Variants in DDC observed in about 807,000 individuals in gnomAD.
DDC encodes the protein aromatic-L-amino-acid decarboxylase.
DDC carries 43 observed loss-of-function variants against 60.0 expected under a neutral mutation model. The ratio of observed to expected loss-of-function variants is 0.72; its 90% CI spans 0.56 to 0.92. The LOEUF is 0.92. Among genes scored for constraint, DDC ranks in the 40% least tolerant of loss-of-function variants. DDC has a pLI of 0.00. For missense variants in DDC, 573 were observed against 620.2 expected, an observed-to-expected ratio of 0.92 and a Z score of 0.81; for synonymous variants, 232 against 234.6, an observed-to-expected ratio of 0.99 and a Z score of 0.10.
At chr7:50,558,980 G>A (rs932550080) in intron 1 of DDC, among the ~76,000 whole-genome samples, 1 of 152,192 alleles carries the variant, frequency 6.6e-6, no homozygotes, top group African/African-American at 2.4e-5. Flanking sequence ...GAAACAGGCA[G>A]AGGCTCAACA....
At chr7:50,485,455 T>C (rs1358911705) in intron 9 of DDC, among the ~76,000 whole-genome samples, 1 of 152,184 alleles carries the variant, frequency 6.6e-6, no homozygotes, top group Non-Finnish European at 1.5e-5. Flanking sequence ...TTAGTAAAAT[T>C]TCATTAAACA....
chr7:50,540,797 T>C (rs1401793828), intron 2 of DDC, among the ~76,000 whole-genome samples: 2 of 151,722 alleles, frequency 1.3e-5, no homozygotes, highest in Non-Finnish European at 2.9e-5. Flanking sequence ...CCATAAGGGG[T>C]AGTGACAGCT....
chr7:50,504,400 A>G (rs971995047), intron 6 of DDC, among the ~76,000 whole-genome samples: 1 of 152,032 alleles, frequency 6.6e-6, no homozygotes, highest in African/African-American at 2.4e-5. Context: ...ATATACATAT[A>G]CTATATTCTA....
chr7:50,514,557 G>A (rs541282434), intron 6 of DDC, among the ~76,000 whole-genome samples: 1 of 152,270 alleles, frequency 6.6e-6, no homozygotes, highest in Admixed American at 6.5e-5. Flanking sequence ...GAAAGGCAGA[G>A]CCCAATGCAA....
In DDC at chr7:50,495,427, A is replaced by G; in HGVS notation, c.877-10T>C. 2 of 1,597,598 alleles carry G rather than the reference A, an allele frequency of 1.3e-6. No individual in the cohort carries two copies. Among genetic ancestry groups the G allele is most frequent in the Non-Finnish European group, 1.7e-6 (2 of 1,165,978 alleles). ...TGAATGAATCTGCAAACTGCCAAAGAACAAGAGTAAGAAAAAGAAAACATT... is the reference window on the plus strand; with the variant it reads ...TGAATGAATCTGCAAACTGCCAAAGGACAAGAGTAAGAAAAAGAAAACATT... On this transcript the variant is annotated splice_polypyrimidine_tract_variant and intron_variant, in intron 8 of 14. Transcript: ENST00000444124.
At chr7:50,466,508 A>AAC (rs2042401567) in intron 13 of DDC, among the ~76,000 whole-genome samples, 1 of 145,636 alleles carries the variant, frequency 6.9e-6, no homozygotes, top group African/African-American at 2.7e-5. Flanking sequence ...AAAAAAAAAA[A>AAC]AAAAAAAAAC....
In DDC at chr7:50,554,084, A is replaced by G. The variant is rs115595388; in HGVS notation, c.-28-9971T>C. Reference sequence around the variant, plus strand: ...CTCACAAGTGGCCTCCAGCTACACCACCAAGTGTCAGGCAGACCTGAGGTC... The same window carrying G: ...CTCACAAGTGGCCTCCAGCTACACCGCCAAGTGTCAGGCAGACCTGAGGTC... On this transcript the variant is annotated intron_variant, in intron 1 of 14. Coordinates refer to ENST00000444124, the MANE Select transcript of DDC (RefSeq NM_001082971.2). Among the ~76,000 whole-genome samples, 1,113 of 152,266 alleles carry G rather than the reference A, an allele frequency of 7.3e-3. 17 individuals carry two copies. Among genetic ancestry groups the G allele is most frequent in the African/African-American group, 0.025 (1,054 of 41,536 alleles).
At chr7:50,561,953 C>T (rs1168999631) in intron 1 of DDC, among the ~76,000 whole-genome samples, 1 of 151,816 alleles carries the variant, frequency 6.6e-6, no homozygotes, top group Non-Finnish European at 1.5e-5. Context: ...ATAGCACATG[C>T]ATATATGCAT....
At chr7:50,533,522 C>G (rs1453684834) in intron 4 of DDC, among the ~76,000 whole-genome samples, 1 of 59,710 alleles carries the variant, frequency 1.7e-5, no homozygotes, top group African/African-American at 4.2e-5. Context: ...TCTTAAACTC[C>G]TACCTCAAAT....
chr7:50,488,210 G>T (rs1043199768), intron 9 of DDC, among the ~76,000 whole-genome samples: 5 of 151,656 alleles, frequency 3.3e-5, no homozygotes, highest in Non-Finnish European at 7.4e-5. Context: ...ATATAATTTA[G>T]AATCTAAAGT....
Position 50,464,884 on chromosome 7 carries a change from A to T in DDC, c.1243-1453T>A, listed in dbSNP as rs183345207. ...ATTAGACCAGGAGAGAGTGAGGCCA[A>T]GATGGCAGATATGGAGGCAGAAAAG... On this transcript the variant is annotated intron_variant, in intron 13 of 14. Coordinates refer to ENST00000444124, the MANE Select transcript of DDC (RefSeq NM_001082971.2). 5.4e-3 allele frequency among the ~76,000 whole-genome samples: 821 copies of T among 152,392 alleles called. 5 individuals carry two copies. The highest frequency in any genetic ancestry group is 6.5e-3 in the Non-Finnish European group (444 of 68,044).
chr7:50,460,264 C>T lies in DDC; in HGVS notation c.*19-1421G>A, dbSNP rs1305881118. Among the ~76,000 whole-genome samples the T allele has an allele frequency of 1.8e-4, 26 of 146,630 alleles. 2 individuals carry two copies. Among genetic ancestry groups the T allele is most frequent in the Non-Finnish European group, 3.8e-4 (25 of 66,460 alleles). Reference sequence around the variant, plus strand: ...GTCAGCCCCTGGCCCAGCCTGCCGCCCCGTCCGGGAGGTGAGGGGCGCCTC... The same window carrying T: ...GTCAGCCCCTGGCCCAGCCTGCCGCTCCGTCCGGGAGGTGAGGGGCGCCTC... On this transcript the variant is annotated intron_variant, in intron 14 of 14. Transcript: ENST00000444124.
In DDC at chr7:50,533,604, A is replaced by G. The variant is rs115964704; in HGVS notation, c.435+4256T>C. ...GCCACCACACCAGGTCCATAATCAC[A>G]TAATCATGTGGAGAAAACCATGAAA... On this transcript the variant is annotated intron_variant, in intron 4 of 14. Coordinates refer to ENST00000444124, the MANE Select transcript of DDC (RefSeq NM_001082971.2). Among the ~76,000 whole-genome samples, 518 of 152,362 alleles carry G rather than the reference A, an allele frequency of 3.4e-3. 2 individuals are homozygous for G. Among genetic ancestry groups the G allele is most frequent in the African/African-American group, 0.012 (495 of 41,586 alleles).
chr7:50,523,781 A>C (rs1156728838), intron 6 of DDC, among the ~76,000 whole-genome samples: 1 of 152,220 alleles, frequency 6.6e-6, no homozygotes, highest in African/African-American at 2.4e-5. Context: ...AACTTTAAGC[A>C]CACTCTTACC....
At chr7:50,492,789 G>A in intron 9 of DDC, 1 of 1,475,330 alleles carries the variant, frequency 6.8e-7, no homozygotes, top group Non-Finnish European at 9.0e-7. Flanking sequence ...ACAGGCTGGT[G>A]GCTGAACTGA....
chr7:50,511,494 C>T (rs147835228), intron 6 of DDC, among the ~76,000 whole-genome samples: 2,690 of 152,076 alleles, frequency 0.018, 160 homozygotes, highest in Admixed American at 0.11. Context: ...TTTGGGAGGC[C>T]GAGGCAGGCA....
intron 9 of DDC, among the ~76,000 whole-genome samples, chr7:50,482,014 C>T (rs1378663457): frequency 6.6e-6 from 1 of 152,232 alleles, no homozygotes; most frequent in Non-Finnish European, 1.5e-5. Context: ...ACAAACTACA[C>T]TGATGTGGAC....
intron 12 of DDC, among the ~76,000 whole-genome samples, chr7:50,468,143 C>T (rs1489341841): frequency 6.6e-6 from 1 of 152,236 alleles, no homozygotes; most frequent in Non-Finnish European, 1.5e-5. Flanking sequence ...CGGCGCCTCG[C>T]GGGCAGGGGG....
chr7:50,492,800 AC>A, intron 9 of DDC: 1 of 1,483,626 alleles, frequency 6.7e-7, no homozygotes, highest in East Asian at 2.5e-5. Context: ...GCTGAACTGA[AC>A]CCCGAGCGCC....
Sources: gnomAD v4.1 joint callset for allele counts (sites outside exome capture counted in the v4.1 genomes callset) on GRCh38, gnomAD v4.1.1 for gene constraint, MANE v1.5 for transcripts, NCBI Gene and HGNC (gene_info 2026-07-23, HGNC 2026-07-21) for gene names.